The following AKAP19 variants were observed in gnomAD, a reference collection of about 807,000 sequenced individuals.
The protein encoded by AKAP19 is small A-kinase anchoring protein.
At chr2:190,110,344 G>A in the AKAP19 span, among the ~76,000 whole-genome samples, 1 of 152,162 alleles carries the variant, frequency 6.6e-6, no homozygotes, top group African/African-American at 2.4e-5. Flanking sequence ...CCTCCCCATT[G>A]CATCAACTGT....
At chr2:190,149,702 G>T in the AKAP19 span, among the ~76,000 whole-genome samples, 1 of 152,040 alleles carries the variant, frequency 6.6e-6, no homozygotes, top group African/African-American at 2.4e-5. Context: ...TATAATTTCA[G>T]TTTTCTTAAA....
chr2:190,043,864 A>T, the AKAP19 span, among the ~76,000 whole-genome samples: 10 of 152,116 alleles, frequency 6.6e-5, no homozygotes, highest in African/African-American at 2.4e-4. Flanking sequence ...CAGTCAATAG[A>T]CTTCTTTTCT....
At chr2:189,885,165 C>A in the AKAP19 span, among the ~76,000 whole-genome samples, 1 of 152,184 alleles carries the variant, frequency 6.6e-6, no homozygotes, top group Non-Finnish European at 1.5e-5. Context: ...TGTTCCTCCA[C>A]TCTCGAATCT....
At chr2:189,953,079 G>T in the AKAP19 span, among the ~76,000 whole-genome samples, 2 of 150,142 alleles carry the variant, frequency 1.3e-5, no homozygotes, top group Non-Finnish European at 3.0e-5. Flanking sequence ...TAGTAATTTT[G>T]GTGCCTATTG....
At chr2:189,921,953 A>G in the AKAP19 span, among the ~76,000 whole-genome samples, 5 of 152,364 alleles carry the variant, frequency 3.3e-5, no homozygotes, top group East Asian at 9.6e-4. Context: ...AATTCATTAA[A>G]TAGAGAATTT....
the AKAP19 span, among the ~76,000 whole-genome samples, chr2:190,184,232 T>G: frequency 1.3e-5 from 2 of 151,912 alleles, no homozygotes; most frequent in Non-Finnish European, 2.9e-5. Context: ...TGGGAGGGAG[T>G]AACAGATATG....
the AKAP19 span, among the ~76,000 whole-genome samples, chr2:190,177,018 A>G: frequency 2.0e-5 from 3 of 152,288 alleles, no homozygotes; most frequent in Admixed American, 2.0e-4. The surrounding 1 kb of genome is among the most constrained non-coding windows in gnomAD (Gnocchi z 4.6). Flanking sequence ...TCCCTAGACC[A>G]GTGGACTGTT....
At chr2:189,929,735 C>T in the AKAP19 span, among the ~76,000 whole-genome samples, 1 of 152,012 alleles carries the variant, frequency 6.6e-6, no homozygotes. Context: ...TTAAAAGGAC[C>T]TAAGGCAATG....
the AKAP19 span, chr2:190,189,723 AAG>A: frequency 3.3e-5 from 5 of 152,178 alleles, no homozygotes; most frequent in African/African-American, 1.2e-4. Flanking sequence ...TAAAGGACAA[AAG>A]ACTCTCACAT....
the AKAP19 span, among the ~76,000 whole-genome samples, chr2:190,038,947 T>C: frequency 5.3e-4 from 78 of 146,348 alleles, 1 homozygote; most frequent in African/African-American, 1.9e-3. Context: ...CTTCTTCTTC[T>C]TCTTCTTCTT....
At chr2:189,998,775 T>TTTC in the AKAP19 span, among the ~76,000 whole-genome samples, 1 of 98,896 alleles carries the variant, frequency 1.0e-5, no homozygotes, top group African/African-American at 3.7e-5. Context: ...TTCTTTCTTT[T>TTTC]TTTTTTTTTT....
At chr2:189,997,594 C>T in the AKAP19 span, among the ~76,000 whole-genome samples, 8 of 152,226 alleles carry the variant, frequency 5.3e-5, no homozygotes, top group East Asian at 5.8e-4. Context: ...ATGCAGCTGG[C>T]GAAGCTGGTC....
the AKAP19 span, among the ~76,000 whole-genome samples, chr2:190,198,358 A>AAAC: frequency 2.0e-5 from 3 of 152,160 alleles, no homozygotes; most frequent in African/African-American, 7.2e-5. Context: ...CAGTGGTTTC[A>AAAC]GGCCAGGCAC....
chr2:190,094,814 A>G, the AKAP19 span, among the ~76,000 whole-genome samples: 19 of 152,232 alleles, frequency 1.2e-4, no homozygotes, highest in Admixed American at 1.2e-3. Context: ...AGGTGGGGCC[A>G]GGCATTTTAT....
the AKAP19 span, among the ~76,000 whole-genome samples, chr2:190,012,129 A>G: frequency 6.6e-6 from 1 of 151,998 alleles, no homozygotes; most frequent in African/African-American, 2.4e-5. Flanking sequence ...CATAGTTTTC[A>G]GTATACAGAT....
At chr2:189,998,767 C>CTTTTTTTTT in the AKAP19 span, among the ~76,000 whole-genome samples, 3 of 73,176 alleles carry the variant, frequency 4.1e-5, no homozygotes, top group African/African-American at 1.5e-4. Flanking sequence ...TTCTTTCTTT[C>CTTTTTTTTT]TTTCTTTTTT....
At chr2:189,955,035 T>C in the AKAP19 span, among the ~76,000 whole-genome samples, 1 of 152,212 alleles carries the variant, frequency 6.6e-6, no homozygotes, top group Non-Finnish European at 1.5e-5. Context: ...GCTTTTAGTG[T>C]ACTCATCACC....
chr2:190,163,230 C>G, the AKAP19 span, among the ~76,000 whole-genome samples: 2 of 151,224 alleles, frequency 1.3e-5, no homozygotes, highest in African/African-American at 4.9e-5. Flanking sequence ...GTCAGGAGAT[C>G]GAGACCATCT....
chr2:189,994,952 G>T, the AKAP19 span, among the ~76,000 whole-genome samples: 14 of 152,228 alleles, frequency 9.2e-5, no homozygotes, highest in African/African-American at 3.1e-4. Context: ...GTTCCTTTTG[G>T]AGTTAATTTC....
Sources: gnomAD v4.1 joint callset for allele counts (sites outside exome capture counted in the v4.1 genomes callset) on GRCh38, gnomAD v4.1.1 for gene constraint, Gnocchi (gnomAD v3.1) non-coding constraint, MANE v1.5 for transcripts, NCBI Gene and HGNC (gene_info 2026-07-23, HGNC 2026-07-21) for gene names.